The following SREBF2 variants were observed in gnomAD, a reference collection of about 807,000 sequenced individuals.
The protein encoded by SREBF2 is sterol regulatory element-binding protein 2.
In SREBF2, 55 loss-of-function variants were observed where a neutral mutation model predicts 113.1. That is an observed-to-expected ratio of 0.49 (90% CI 0.39 to 0.61). The LOEUF (loss-of-function observed/expected upper bound fraction) is 0.61. SREBF2 is among the 20% of genes least tolerant of loss of function. The pLI is 0.00. For missense variants in SREBF2, 1,349 were observed against 1,487.4 expected (o/e 0.91, Z 1.53); for synonymous variants, 593 against 605.7 (o/e 0.98, Z 0.31).
chr22:41,895,386 C>T lies in SREBF2; in HGVS notation c.2495+449C>T, dbSNP rs1211924730. On this transcript the variant is annotated intron_variant, in intron 13 of 18. Transcript: ENST00000361204. ...GACCTCGTGATCCGCCTGCCTCAGC[C>T]TCCCAAAGTGCTGGGATTACAGGCG... Among the ~76,000 whole-genome samples, 4 of 151,474 alleles carry T rather than the reference C, an allele frequency of 2.6e-5. No individual in the cohort carries two copies. In the South Asian group the frequency reaches 6.2e-4, roughly 24 times the overall value.
intron 8 of SREBF2, 113 bp downstream of exon 8, chr22:41,877,534 TG>T: frequency 7.9e-7 from 1 of 1,265,030 alleles, no homozygotes; most frequent in Non-Finnish European, 1.1e-6. Flanking sequence ...GCTTTTATAG[TG>T]GGCCCCCACC....
In SREBF2 at chr22:41,873,953, A is replaced by G. The variant is rs2077168885; in HGVS notation, c.1023A>G (p.Arg341=). The G allele has an allele frequency of 6.2e-7, 1 of 1,614,132 alleles. No individual in the cohort carries two copies. Among genetic ancestry groups the G allele is most frequent in the South Asian group, 1.1e-5 (1 of 91,074 alleles). The part of the protein sequence containing the change: ...RRTTHNIIEK[R]YRSSINDKII... ...CAACCCATAATATCATTGAGAAACG[A>G]TATCGCTCCTCCATCAATGACAAAA... The change falls in exon 5 of 19, where the codon CGA becomes CGG. Residue 341 remains arginine, a synonymous_variant. Coordinates refer to ENST00000361204, the MANE Select transcript of SREBF2 (RefSeq NM_004599.4).
chr22:41,894,761 A>G, intron 12 of SREBF2, 59 bp from the exon 13 acceptor site: 2 of 1,466,236 alleles, frequency 1.4e-6, no homozygotes, highest in Non-Finnish European at 1.9e-6. Flanking sequence ...CTCTCCGTAA[A>G]GACAAAGTGG....
At chr22:41,870,012 C>T (rs1454685410) in intron 3 of SREBF2, among the ~76,000 whole-genome samples, 5 of 152,140 alleles carry the variant, frequency 3.3e-5, no homozygotes, top group Admixed American at 1.3e-4. Flanking sequence ...CGCGCCATCA[C>T]GCCCAGCTAA....
intron 1 of SREBF2, among the ~76,000 whole-genome samples, chr22:41,848,023 C>T (rs2076893856): frequency 1.3e-5 from 2 of 151,560 alleles, no homozygotes; most frequent in South Asian, 4.1e-4. Context: ...TCATGGCATT[C>T]TCCTGCCTCA....
At chr22:41,853,046 G>A (rs755332675) in intron 1 of SREBF2, among the ~76,000 whole-genome samples, 2 of 152,078 alleles carry the variant, frequency 1.3e-5, no homozygotes, top group Non-Finnish European at 2.9e-5. Context: ...CACTGTGCCC[G>A]GCCAGTGATT....
intron 4 of SREBF2, among the ~76,000 whole-genome samples, chr22:41,873,145 C>T (rs1321798298): frequency 6.6e-6 from 1 of 151,430 alleles, no homozygotes; most frequent in Non-Finnish European, 1.5e-5. Flanking sequence ...TGTGGTGAGC[C>T]GAGATCACAC....
chr22:41,879,321 G>A (rs2077225113), intron 9 of SREBF2, among the ~76,000 whole-genome samples: 1 of 152,238 alleles, frequency 6.6e-6, no homozygotes, highest in South Asian at 2.1e-4. Context: ...AAGATGGAGT[G>A]GACTCCATCT....
chr22:41,868,626 T>C lies in SREBF2; in HGVS notation c.554T>C (p.Val185Ala). 5.0e-6 allele frequency: 8 copies of C among 1,614,188 alleles called. No homozygotes were observed. Among genetic ancestry groups the C allele is most frequent in the Non-Finnish European group, 6.8e-6 (8 of 1,180,036 alleles). The change falls in exon 3 of 19, where the codon GTC (valine) becomes GCC (alanine). Residue 185 changes from valine (V) to alanine (A), a missense_variant. Transcript: ENST00000361204. The part of the protein sequence containing the change: ...ATSFQVLQPQ[V>A]QSLVTSSQVQ... ...TTCTCCCAAGTCCTTCAGCCTCAAG[T>C]CCAAAGCCTGGTGACATCCTCCCAG...
chr22:41,859,924 AC>A (rs1202239855), intron 1 of SREBF2, among the ~76,000 whole-genome samples: 1 of 144,728 alleles, frequency 6.9e-6, no homozygotes, highest in Non-Finnish European at 1.5e-5. Context: ...TCCTGCCTCA[AC>A]CGCCCAAGTA....
chr22:41,871,508 C>T (rs941930343), intron 4 of SREBF2, among the ~76,000 whole-genome samples: 1 of 152,144 alleles, frequency 6.6e-6, no homozygotes, highest in African/African-American at 2.4e-5. Flanking sequence ...TCATAAAATC[C>T]AAGAACTGGA....
chr22:41,839,963 T>C lies in SREBF2; in HGVS notation c.88+6605T>C, dbSNP rs1161804675. Among the ~76,000 whole-genome samples, 6 of 146,106 alleles carry C rather than the reference T, an allele frequency of 4.1e-5. No individual in the cohort carries two copies. The East Asian group carries it at 9.8e-4, about 24-fold the overall frequency. On this transcript the variant is annotated intron_variant, in intron 1 of 18. Coordinates refer to ENST00000361204, the MANE Select transcript of SREBF2 (RefSeq NM_004599.4). ...TATTCACATGCTTAGTTTCTTTTTT[T>C]TTTTTTTTTTTTTTGAGACGGAGTC...
In SREBF2 at chr22:41,833,334, G is replaced by A. The variant is rs1303391809; in HGVS notation, c.64G>A (p.Glu22Lys). Residue 22 changes from glutamate (E) to lysine (K), a missense_variant, in exon 1 of 19, where the codon GAG (glutamate) becomes AAG (lysine). Physicochemically the swap from Glu to Lys is moderately conservative, Grantham distance 56 (BLOSUM62 1). Coordinates refer to ENST00000361204, the MANE Select transcript of SREBF2 (RefSeq NM_004599.4). The surrounding 1 kb of genome is among the most constrained non-coding windows in gnomAD (Gnocchi z 4.1). ...TMETLTELGDELTLGDIDEML... is the reference protein window; with the variant it reads ...TMETLTELGDKLTLGDIDEML... ...GGAGACCCTCACGGAGCTGGGCGAC[G>A]AGCTGACCCTGGGAGACATCGACGG... The A allele has an allele frequency of 2.1e-6, 3 of 1,441,382 alleles. No individual in the cohort carries two copies. The highest frequency in any genetic ancestry group is 2.8e-6 in the Non-Finnish European group (3 of 1,081,162). The allele number at this position is 1,441,382 out of a possible 1,614,324, so 89.3% of individuals were successfully genotyped here.
intron 9 of SREBF2, chr22:41,878,689 C>G: frequency 1.5e-6 from 2 of 1,304,284 alleles, no homozygotes; most frequent in South Asian, 1.2e-5. Flanking sequence ...TGGGGCAACT[C>G]ACAGCATTGA....
intron 16 of SREBF2, among the ~76,000 whole-genome samples, chr22:41,901,267 C>G (rs2077463714): frequency 6.6e-6 from 1 of 152,180 alleles, no homozygotes; most frequent in African/African-American, 2.4e-5. Context: ...TCTTAGCTGG[C>G]TAGGCTAGTA....
chr22:41,892,560 A>G (rs1198970431), intron 11 of SREBF2, among the ~76,000 whole-genome samples: 2 of 147,974 alleles, frequency 1.4e-5, no homozygotes, highest in Non-Finnish European at 3.0e-5. Context: ...AGGCAGGAGA[A>G]TGGCGTGAAC....
intron 7 of SREBF2, among the ~76,000 whole-genome samples, chr22:41,876,937 G>T (rs1242811623): frequency 6.6e-6 from 1 of 152,140 alleles, no homozygotes; most frequent in Non-Finnish European, 1.5e-5. Flanking sequence ...TACAGAAACA[G>T]AATCATACAG....
Position 41,905,844 on chromosome 22 carries a change from C to T in SREBF2, c.*184C>T. On this transcript the variant is annotated 3_prime_UTR_variant, in exon 19 of 19. Coordinates refer to ENST00000361204, the MANE Select transcript of SREBF2 (RefSeq NM_004599.4). ...CTTAAAGCTGCTGTCACTAGATGCC[C>T]ATGGTCCAGGGCCTGGTGGGCGTGA... 1 of 757,332 alleles carries T rather than the reference C, an allele frequency of 1.3e-6. No individual in the cohort carries two copies. The highest frequency in any genetic ancestry group is 2.3e-6 in the Non-Finnish European group (1 of 431,898). The allele number at this position is 757,332 out of a possible 1,614,324, so 46.9% of individuals were successfully genotyped here.
intron 1 of SREBF2, among the ~76,000 whole-genome samples, chr22:41,848,072 C>T (rs978544512): frequency 3.3e-5 from 5 of 151,826 alleles, no homozygotes; most frequent in African/African-American, 7.3e-5. Context: ...CCCGCCACCA[C>T]GCCCAGCTAA....
Sources: allele counts gnomAD v4.1 joint callset (sites outside exome capture counted in the v4.1 genomes callset), GRCh38; gene constraint gnomAD v4.1.1; non-coding constraint Gnocchi (gnomAD v3.1); transcripts MANE v1.5; gene names NCBI Gene and HGNC (gene_info 2026-07-23, HGNC 2026-07-21).